Variants in SIL1 observed in about 807,000 individuals in gnomAD.
SIL1 encodes the protein nucleotide exchange factor SIL1.
In SIL1, 40 loss-of-function variants were observed where a neutral mutation model predicts 49.1. The observed-to-expected ratio is 0.81, with a 90% CI of 0.63 to 1.06. SIL1 has a LOEUF of 1.06. SIL1 is among the 50% of genes least tolerant of loss of function. The probability of loss-of-function intolerance (pLI) is 0.00; values close to 1 mark genes in which losing one functional copy is unlikely to be tolerated. For synonymous variants in SIL1, 253 were observed against 250.8 expected, an observed-to-expected ratio of 1.01 and a Z score of -0.08; for missense variants, 500 against 572.6, an observed-to-expected ratio of 0.87 and a Z score of 1.29.
chr5:139,059,296 TC>T (rs1185948003), intron 3 of SIL1, among the ~76,000 whole-genome samples: 2 of 152,008 alleles, frequency 1.3e-5, no homozygotes, highest in South Asian at 2.1e-4. Context: ...AAAGGGCAGT[TC>T]CCCTGCACAC....
At chr5:139,182,516 C>A (rs539198148) in intron 1 of SIL1, among the ~76,000 whole-genome samples, 1 of 152,278 alleles carries the variant, frequency 6.6e-6, no homozygotes, top group Admixed American at 6.5e-5. Context: ...CTAACTGTTC[C>A]TATTGTAACC....
chr5:139,036,681 C>T (rs978770074), intron 5 of SIL1, among the ~76,000 whole-genome samples: 13 of 152,116 alleles, frequency 8.5e-5, no homozygotes, highest in African/African-American at 3.1e-4. Flanking sequence ...GAACAACACA[C>T]ACTGGGGCCT....
intron 7 of SIL1, among the ~76,000 whole-genome samples, chr5:138,967,000 G>A (rs1767159745): frequency 6.6e-6 from 1 of 152,194 alleles, no homozygotes; most frequent in South Asian, 2.1e-4. Flanking sequence ...GACCTGCTGT[G>A]AGTATCGAGT....
At chr5:139,129,524 T>C (rs1425303603) in intron 1 of SIL1, among the ~76,000 whole-genome samples, 1 of 152,074 alleles carries the variant, frequency 6.6e-6, no homozygotes, top group African/African-American at 2.4e-5. Flanking sequence ...CACAAAAAAT[T>C]AGCTGAGCAT....
intron 3 of SIL1, among the ~76,000 whole-genome samples, chr5:139,052,101 C>T (rs551398899): frequency 2.6e-4 from 40 of 152,270 alleles, no homozygotes; most frequent in African/African-American, 9.1e-4. Flanking sequence ...CCGAAGGAAG[C>T]ACACAGCACA....
chr5:139,004,616 G>A (rs1023118422), intron 7 of SIL1, among the ~76,000 whole-genome samples: 9 of 152,030 alleles, frequency 5.9e-5, no homozygotes, highest in African/African-American at 2.2e-4. Flanking sequence ...CTCTTCAGCT[G>A]TGTCTAACCA....
intron 5 of SIL1, among the ~76,000 whole-genome samples, chr5:139,031,342 T>C (rs1263388709): frequency 6.6e-6 from 1 of 152,198 alleles, no homozygotes; most frequent in African/African-American, 2.4e-5. Context: ...CATTTTTTGC[T>C]TATGGATGCC....
intron 3 of SIL1, among the ~76,000 whole-genome samples, chr5:139,058,370 A>T (rs1769505309): frequency 6.6e-6 from 1 of 151,916 alleles, no homozygotes; most frequent in Admixed American, 6.6e-5. Context: ...GAAAAAAATC[A>T]TGGGGGAAAT....
At chr5:139,049,554 C>T (rs2150452659) in intron 4 of SIL1, among the ~76,000 whole-genome samples, 1 of 152,158 alleles carries the variant, frequency 6.6e-6, no homozygotes, top group Middle Eastern at 3.4e-3. Context: ...TTTGGGAGGC[C>T]AGGGCAGGAA....
At chr5:139,004,215 G>C (rs1211692434) in intron 7 of SIL1, among the ~76,000 whole-genome samples, 1 of 152,100 alleles carries the variant, frequency 6.6e-6, no homozygotes, top group Non-Finnish European at 1.5e-5. Flanking sequence ...TTCCCAGGCT[G>C]GTCTTGAATT....
At chr5:139,114,455 C>T (rs1770942447) in intron 3 of SIL1, among the ~76,000 whole-genome samples, 1 of 152,180 alleles carries the variant, frequency 6.6e-6, no homozygotes, top group African/African-American at 2.4e-5. Flanking sequence ...TAATTTGAAG[C>T]CTCAGAAACT....
chr5:139,146,254 T>C (rs1321579643), intron 1 of SIL1, among the ~76,000 whole-genome samples: 1 of 152,170 alleles, frequency 6.6e-6, no homozygotes, highest in African/African-American at 2.4e-5. Flanking sequence ...ATTATATTGC[T>C]CTCTTCTAAA....
At chr5:139,077,421 G>A (rs921014943) in intron 3 of SIL1, among the ~76,000 whole-genome samples, 7 of 152,060 alleles carry the variant, frequency 4.6e-5, no homozygotes, top group African/African-American at 1.7e-4. Context: ...AGATTTTCTT[G>A]TTATTTTACA....
intron 3 of SIL1, among the ~76,000 whole-genome samples, chr5:139,105,816 C>G (rs368784691): frequency 2.0e-4 from 30 of 152,224 alleles, no homozygotes; most frequent in Non-Finnish European, 4.4e-4. Context: ...AACATTACCC[C>G]CAAAGAATAG....
intron 7 of SIL1, among the ~76,000 whole-genome samples, chr5:139,007,243 A>C (rs1768140748): frequency 7.8e-6 from 1 of 128,970 alleles, no homozygotes; most frequent in Non-Finnish European, 1.6e-5. Flanking sequence ...GAGTTCACTC[A>C]TGATTTGGCT....
At chr5:138,960,261 T>C (rs573099212) in intron 7 of SIL1, among the ~76,000 whole-genome samples, 1 of 152,286 alleles carries the variant, frequency 6.6e-6, no homozygotes, top group East Asian at 1.9e-4. Flanking sequence ...CATCTTCACA[T>C]GAGAACCAGA....
chr5:139,002,990 G>C (rs1192127531), intron 7 of SIL1, among the ~76,000 whole-genome samples: 1 of 152,062 alleles, frequency 6.6e-6, no homozygotes, highest in Admixed American at 6.5e-5. Context: ...GCCTAACTCA[G>C]GCCAAACCTC....
intron 1 of SIL1, among the ~76,000 whole-genome samples, chr5:139,172,617 G>A (rs575379321): frequency 1.7e-4 from 24 of 144,478 alleles, no homozygotes; most frequent in African/African-American, 1.5e-4. Context: ...GGGGAATAGC[G>A]TGAGACTCCG....
intron 3 of SIL1, among the ~76,000 whole-genome samples, chr5:139,087,589 T>C (rs1032341844): frequency 6.6e-6 from 1 of 151,980 alleles, no homozygotes; most frequent in African/African-American, 2.4e-5. Flanking sequence ...CAGTCCTGGC[T>C]CCCTGAGGTG....
Sources: allele counts gnomAD v4.1 joint callset (sites outside exome capture counted in the v4.1 genomes callset), GRCh38; gene constraint gnomAD v4.1.1; transcripts MANE v1.5; gene names NCBI Gene and HGNC (gene_info 2026-07-23, HGNC 2026-07-21).